Variants in WIPF3 observed in about 807,000 individuals in gnomAD.
WIPF3 encodes WAS/WASL-interacting protein family member 3.
WIPF3 carries 33 observed loss-of-function variants against 38.9 expected under a neutral mutation model. The ratio of observed to expected loss-of-function variants is 0.85; its 90% CI spans 0.64 to 1.14. The LOEUF (loss-of-function observed/expected upper bound fraction) is 1.14, where lower values mean the gene tolerates loss of function less well. Among genes scored for constraint, WIPF3 ranks in the 50% most tolerant of loss-of-function variants. The probability of loss-of-function intolerance (pLI) is 0.00; values close to 1 mark genes in which losing one functional copy is unlikely to be tolerated. For missense variants in WIPF3, 711 were observed against 652.5 expected (o/e 1.09, Z -0.98); for synonymous variants, 324 against 269.3 (o/e 1.20, Z -1.99).
chr7:29,875,684 G>T (rs766005032), intron 2 of WIPF3, 146 bp from the exon 3 acceptor site: 252 of 1,062,232 alleles, frequency 2.4e-4, no homozygotes, highest in Admixed American at 6.6e-4. Flanking sequence ...GGACCCAAAA[G>T]TGTCTCTCCC....
intron 2 of WIPF3, among the ~76,000 whole-genome samples, chr7:29,857,260 C>T (rs910885896): frequency 1.3e-5 from 2 of 152,110 alleles, no homozygotes; most frequent in Admixed American, 6.5e-5. Flanking sequence ...AAACTTTGCT[C>T]CCCCATAATC....
intron 1 of WIPF3, among the ~76,000 whole-genome samples, chr7:29,816,023 TTTTC>T (rs1408390917): frequency 1.3e-5 from 2 of 152,200 alleles, no homozygotes; most frequent in Admixed American, 1.3e-4. Context: ...ATTTTAATCT[TTTTC>T]TTTATTTGTA....
intron 1 of WIPF3, among the ~76,000 whole-genome samples, chr7:29,828,002 T>G (rs752162051): frequency 2.8e-4 from 43 of 152,278 alleles, no homozygotes; most frequent in Non-Finnish European, 4.4e-4. Context: ...TTTTGCCATG[T>G]TGCCCAGGCT....
chr7:29,885,394 A>G (rs1299547701), intron 5 of WIPF3, among the ~76,000 whole-genome samples: 1 of 152,196 alleles, frequency 6.6e-6, no homozygotes, highest in Non-Finnish European at 1.5e-5. Flanking sequence ...ACACACATCC[A>G]CATGCACACC....
At chr7:29,811,123 T>G (rs1784367900) in intron 1 of WIPF3, among the ~76,000 whole-genome samples, 1 of 152,094 alleles carries the variant, frequency 6.6e-6, no homozygotes, top group South Asian at 2.1e-4. Flanking sequence ...ACTCCTGGAT[T>G]TAAGCGATCC....
At chr7:29,861,764 C>G (rs1033320921) in intron 2 of WIPF3, among the ~76,000 whole-genome samples, 1 of 152,144 alleles carries the variant, frequency 6.6e-6, no homozygotes, top group Non-Finnish European at 1.5e-5. Flanking sequence ...AAGGAACTGA[C>G]ATTTACCCCT....
At chr7:29,908,927 A>G (rs1298176167) in intron 8 of WIPF3, among the ~76,000 whole-genome samples, 1 of 150,790 alleles carries the variant, frequency 6.6e-6, no homozygotes, top group South Asian at 2.1e-4. Flanking sequence ...AAAAAAAAAA[A>G]GATAGATATC....
At chr7:29,909,758 T>C (rs1235637914) in intron 8 of WIPF3, among the ~76,000 whole-genome samples, 1 of 151,842 alleles carries the variant, frequency 6.6e-6, no homozygotes, top group Non-Finnish European at 1.5e-5. Context: ...TAGCCAGATA[T>C]GGTGGTGCGT....
chr7:29,872,249 A>G (rs1429197357), intron 2 of WIPF3, among the ~76,000 whole-genome samples: 1 of 152,208 alleles, frequency 6.6e-6, no homozygotes, highest in African/African-American at 2.4e-5. Flanking sequence ...CTGTAACCAC[A>G]GTAACAAGAA....
intron 7 of WIPF3, among the ~76,000 whole-genome samples, chr7:29,899,679 G>A (rs79543223): frequency 0.011 from 1,638 of 152,298 alleles, 34 homozygotes; most frequent in East Asian, 0.057. Flanking sequence ...ACAATGGAAC[G>A]CTATGTAACC....
intron 1 of WIPF3, among the ~76,000 whole-genome samples, chr7:29,830,311 G>A (rs1041900764): frequency 6.6e-6 from 1 of 151,012 alleles, no homozygotes; most frequent in Non-Finnish European, 1.5e-5. Flanking sequence ...ACCTTTATGG[G>A]GTTTCTTTCA....
At chr7:29,910,394 G>A (rs1258877133) in intron 8 of WIPF3, among the ~76,000 whole-genome samples, 1 of 152,116 alleles carries the variant, frequency 6.6e-6, no homozygotes, top group Non-Finnish European at 1.5e-5. Context: ...CCAAAAAATT[G>A]AAGAGGAGGG....
At chr7:29,810,019 G>A (rs189719472) in intron 1 of WIPF3, among the ~76,000 whole-genome samples, 1 of 152,174 alleles carries the variant, frequency 6.6e-6, no homozygotes, top group East Asian at 1.9e-4. Flanking sequence ...CAGTGCTTGA[G>A]TTTCTGAGGA....
At chr7:29,842,701 T>C (rs1784932156) in intron 2 of WIPF3, among the ~76,000 whole-genome samples, 1 of 151,996 alleles carries the variant, frequency 6.6e-6, no homozygotes, top group African/African-American at 2.4e-5. Flanking sequence ...GAAAATGGAG[T>C]GCCCTCTGAA....
At chr7:29,857,062 C>T (rs1045512823) in intron 2 of WIPF3, among the ~76,000 whole-genome samples, 7 of 152,048 alleles carry the variant, frequency 4.6e-5, no homozygotes, top group African/African-American at 1.2e-4. Flanking sequence ...GTAGGCTGAG[C>T]GGGAACTGAG....
chr7:29,911,098 G>A (rs915996313), intron 8 of WIPF3, among the ~76,000 whole-genome samples: 1 of 151,586 alleles, frequency 6.6e-6, no homozygotes, highest in Non-Finnish European at 1.5e-5. Context: ...ACAAAAATAT[G>A]GTTGTATTTC....
chr7:29,884,144 C>T lies in WIPF3; in HGVS notation c.650C>T (p.Pro217Leu). ...LTKGNLPVVA[P>L]PVPCAPPPPP... ...AAAGGGAACCTCCCGGTGGTTGCAC[C>T]CCCCGTCCCCTGTGCGCCACCACCT... Residue 217 changes from proline to leucine, a missense_variant, in exon 5 of 9, where the codon CCC (proline) becomes CTC (leucine). Pro to Leu is a moderately conservative substitution (Grantham distance 98). Transcript: ENST00000242140. 6 of 1,530,248 alleles carry T rather than the reference C, an allele frequency of 3.9e-6. No individual in the cohort carries two copies. The highest frequency in any genetic ancestry group is 2.5e-5 in the East Asian group (1 of 40,354). 94.8% of individuals were successfully genotyped at this position (1,530,248 alleles called of 1,614,324 possible). A position where few individuals can be genotyped will look rare whatever the true frequency, so the allele number is the denominator to read the frequency against.
At chr7:29,892,249 C>G (rs1450015283) in intron 7 of WIPF3, among the ~76,000 whole-genome samples, 2 of 152,160 alleles carry the variant, frequency 1.3e-5, no homozygotes, top group African/African-American at 4.8e-5. Context: ...CAGAGTGTGC[C>G]TCACGGGACT....
At chr7:29,881,951 A>C (rs760026751) in intron 4 of WIPF3, among the ~76,000 whole-genome samples, 5 of 150,986 alleles carry the variant, frequency 3.3e-5, no homozygotes, top group African/African-American at 1.2e-4. Flanking sequence ...ACTTCCTTCA[A>C]CTCCCTCGGA....
Sources: gnomAD v4.1 joint callset for allele counts (sites outside exome capture counted in the v4.1 genomes callset) on GRCh38, gnomAD v4.1.1 for gene constraint, MANE v1.5 for transcripts, NCBI Gene and HGNC (gene_info 2026-07-23, HGNC 2026-07-21) for gene names.